Variants in FGD5 observed in about 807,000 individuals in gnomAD.
FGD5 encodes the protein FYVE, RhoGEF and PH domain-containing protein 5.
Under a neutral mutation model 133.4 loss-of-function variants are expected in FGD5, and 28 were observed. The observed-to-expected ratio is 0.21, with a 90% CI of 0.16 to 0.29. FGD5 has a LOEUF of 0.29. Among genes scored for constraint, FGD5 ranks in the 10% least tolerant of loss-of-function variants. The pLI, the probability that FGD5 is intolerant of heterozygous loss-of-function variation, is 1.00. For missense variants in FGD5, 1,858 were observed against 1,895.2 expected (o/e 0.98, Z 0.36); for synonymous variants, 810 against 776.5 (o/e 1.04, Z -0.72).
intron 18 of FGD5, among the ~76,000 whole-genome samples, chr3:14,927,979 G>C (rs2038839202): frequency 1.4e-5 from 2 of 144,872 alleles, no homozygotes; most frequent in East Asian, 2.0e-4. Flanking sequence ...GACTCACTCT[G>C]TCACCAGGCT....
At chr3:14,904,308 G>A (rs1278237318) in intron 9 of FGD5, among the ~76,000 whole-genome samples, 1 of 152,190 alleles carries the variant, frequency 6.6e-6, no homozygotes, top group Non-Finnish European at 1.5e-5. Flanking sequence ...CTGCCTGGGA[G>A]ATTTGTCTCT....
intron 2 of FGD5, among the ~76,000 whole-genome samples, chr3:14,867,375 G>T (rs2037515604): frequency 1.3e-5 from 2 of 152,118 alleles, no homozygotes; most frequent in Non-Finnish European, 2.9e-5. Flanking sequence ...ATGTGCTATG[G>T]TTTATTTAGC....
chr3:14,840,288 G>T (rs577999306), intron 1 of FGD5, among the ~76,000 whole-genome samples: 7 of 152,246 alleles, frequency 4.6e-5, no homozygotes, highest in African/African-American at 1.7e-4. Context: ...GGGATTACAG[G>T]CGTGTGCCAC....
At chr3:14,835,706 A>C (rs891070043) in intron 1 of FGD5, among the ~76,000 whole-genome samples, 7 of 152,020 alleles carry the variant, frequency 4.6e-5, no homozygotes, top group African/African-American at 1.7e-4. Context: ...AAGAACAGGG[A>C]GAATTCAGGC....
intron 8 of FGD5, 30 bp downstream of exon 8, chr3:14,900,483 A>G (rs1416936297): frequency 1.2e-6 from 2 of 1,610,250 alleles, no homozygotes; most frequent in South Asian, 2.2e-5. Flanking sequence ...GGAGGGAGGT[A>G]CTCAAGCCTG....
intron 2 of FGD5, among the ~76,000 whole-genome samples, chr3:14,865,419 C>T (rs2037476036): frequency 6.6e-6 from 1 of 152,216 alleles, no homozygotes; most frequent in African/African-American, 2.4e-5. Flanking sequence ...TCTCTCTGGA[C>T]TGTGTTTTCA....
At chr3:14,924,669 T>C (rs1463325255) in intron 17 of FGD5, among the ~76,000 whole-genome samples, 4 of 152,192 alleles carry the variant, frequency 2.6e-5, no homozygotes, top group African/African-American at 9.6e-5. Context: ...TCCACAAGTG[T>C]GATCAGCTGC....
At chr3:14,835,577 G>A (rs528054173) in intron 1 of FGD5, among the ~76,000 whole-genome samples, 5 of 152,110 alleles carry the variant, frequency 3.3e-5, no homozygotes, top group Middle Eastern at 3.4e-3. Context: ...AAACCTTAAC[G>A]TAGCCGCCGC....
rs183935171 is a variant in FGD5, at chr3:14,839,444, C to G, written c.2525+17848C>G. On this transcript the variant is annotated intron_variant, in intron 1 of 19. Transcript: ENST00000285046. ...GACTGTCGTCAGACCTTCCCCTCCC[C>G]CTTTGGAATGACTCTCACCTCCCCA... 1.4e-4 allele frequency among the ~76,000 whole-genome samples: 21 copies of G among 152,270 alleles called. No individual in the cohort carries two copies. In the East Asian group the frequency reaches 3.1e-3, roughly 22 times the overall value.
At chr3:14,892,704 A>G (rs921335955) in intron 4 of FGD5, among the ~76,000 whole-genome samples, 4 of 152,130 alleles carry the variant, frequency 2.6e-5, no homozygotes, top group Admixed American at 2.6e-4. Context: ...CTGTAATCTC[A>G]GGTATTCAGA....
intron 4 of FGD5, among the ~76,000 whole-genome samples, chr3:14,895,500 A>G (rs530880520): frequency 5.9e-5 from 9 of 152,190 alleles, no homozygotes; most frequent in Non-Finnish European, 1.3e-4. Flanking sequence ...CCTTTGTCAA[A>G]GATGAGTTGG....
rs372584025 is a variant in FGD5, at chr3:14,855,713, T to TTG, written c.2526-8403_2526-8402dup. ...CCATCTTTTTAATCAGATTGGGTTT[T>TTG]TGTGTGTGTGTGTATGTTTTTTCTG... On this transcript the variant is annotated intron_variant, in intron 1 of 19. Coordinates refer to ENST00000285046, the MANE Select transcript of FGD5 (RefSeq NM_152536.4). 2.6e-3 allele frequency among the ~76,000 whole-genome samples: 388 copies of TTG among 152,042 alleles called. 4 individuals are homozygous for TTG. The highest frequency in any genetic ancestry group is 8.6e-3 in the African/African-American group (357 of 41,478).
intron 9 of FGD5, among the ~76,000 whole-genome samples, chr3:14,906,013 G>T (rs1172956025): frequency 6.6e-6 from 1 of 152,108 alleles, no homozygotes; most frequent in East Asian, 1.9e-4. Flanking sequence ...TTTGGGTTTT[G>T]CTGCCGTGTC....
Position 14,926,182 on chromosome 3 carries a change from C to A in FGD5, c.4181C>A (p.Thr1394Asn), listed in dbSNP as rs983078292. The A allele has an allele frequency of 6.2e-7, 1 of 1,613,502 alleles. No homozygotes were observed. The highest frequency in any genetic ancestry group is 8.5e-7 in the Non-Finnish European group (1 of 1,179,690). Residue 1394 changes from threonine to asparagine, a missense_variant, in exon 18 of 20, where the codon ACC (threonine) becomes AAC (asparagine). Coordinates refer to ENST00000285046, the MANE Select transcript of FGD5 (RefSeq NM_152536.4). ...GTCATCAAAGGCAAAGTTCTCTACA[C>A]CTACATGGCCAGTGAGGTAGTAGTG... ...WFVIKGKVLY[T>N]YMASEDKVAL...
intron 4 of FGD5, among the ~76,000 whole-genome samples, chr3:14,894,997 A>T (rs1166812826): frequency 6.6e-6 from 1 of 152,074 alleles, no homozygotes; most frequent in African/African-American, 2.4e-5. Context: ...GACCATTTGT[A>T]TGTCTTCTTT....
chr3:14,812,497 A>G (rs899208542), intron 1 of FGD5, among the ~76,000 whole-genome samples: 2 of 152,176 alleles, frequency 1.3e-5, no homozygotes, highest in East Asian at 1.9e-4. Context: ...GTCGGAATAA[A>G]CTTAGAGGCA....
intron 1 of FGD5, among the ~76,000 whole-genome samples, chr3:14,832,154 C>T (rs180793179): frequency 6.6e-6 from 1 of 152,130 alleles, no homozygotes; most frequent in Non-Finnish European, 1.5e-5. Context: ...TCACTGAGCA[C>T]CGTGAGGAGT....
At chr3:14,926,317 T>C in intron 18 of FGD5, 119 bp downstream of exon 18, 1 of 1,379,232 alleles carries the variant, frequency 7.3e-7, no homozygotes, top group South Asian at 1.3e-5. Flanking sequence ...CCAGTTCTGG[T>C]GGCAGTCAAG....
chr3:14,812,036 A>ATGTGTGTGTGTGTGTGTATGTATG (rs56994528), intron 1 of FGD5, among the ~76,000 whole-genome samples: 1 of 148,094 alleles, frequency 6.8e-6, no homozygotes, highest in Non-Finnish European at 1.5e-5. Context: ...GTGTGTATGT[A>ATGTGTGTGTGTGTGTGTATGTATG]TGTGTGTGTG....
Sources: allele counts gnomAD v4.1 joint callset (sites outside exome capture counted in the v4.1 genomes callset), GRCh38; gene constraint gnomAD v4.1.1; transcripts MANE v1.5; gene names NCBI Gene and HGNC (gene_info 2026-07-23, HGNC 2026-07-21).